The following SH2D4A variants were observed in gnomAD, a reference collection of about 807,000 sequenced individuals.
SH2D4A encodes SH2 domain-containing protein 4A.
A neutral mutation model predicts 64.7 loss-of-function variants in SH2D4A; 70 were observed. The ratio of observed to expected loss-of-function variants is 1.08; its 90% CI spans 0.89 to 1.32. SH2D4A has a LOEUF of 1.32. SH2D4A is among the 40% of genes most tolerant of loss of function. The probability of loss-of-function intolerance (pLI) is 0.00; values close to 1 mark genes in which losing one functional copy is unlikely to be tolerated. For synonymous variants in SH2D4A, 268 were observed against 200.7 expected (o/e 1.34, Z -2.83); for missense variants, 706 against 540.1 (o/e 1.31, Z -3.04).
intron 1 of SH2D4A, among the ~76,000 whole-genome samples, chr8:19,315,431 G>A (rs1585137554): frequency 6.6e-6 from 1 of 152,120 alleles, no homozygotes; most frequent in South Asian, 2.1e-4. Flanking sequence ...CACTGTGCCC[G>A]CCTACTATTT....
In SH2D4A at chr8:19,359,005, G is replaced by A. The variant is rs898478648; in HGVS notation, c.594+1722G>A. Reference sequence around the variant, plus strand: ...CCCCATGCCTGGCTGACAGTCCTGAGTCCTGGTCCAACATGCTTCCAGCAA... The same window carrying A: ...CCCCATGCCTGGCTGACAGTCCTGAATCCTGGTCCAACATGCTTCCAGCAA... On this transcript the variant is annotated intron_variant, in intron 5 of 9. Coordinates refer to ENST00000265807, the MANE Select transcript of SH2D4A (RefSeq NM_022071.4). 4.6e-5 allele frequency among the ~76,000 whole-genome samples: 7 copies of A among 152,324 alleles called. No homozygotes were observed. In the East Asian group the frequency reaches 9.6e-4, roughly 21 times the overall value.
At chr8:19,365,194 A>G (rs560519212) in intron 7 of SH2D4A, among the ~76,000 whole-genome samples, 2 of 152,232 alleles carry the variant, frequency 1.3e-5, no homozygotes, top group Admixed American at 6.5e-5. Context: ...GTCTTTAAAC[A>G]GGAGTGATGA....
At chr8:19,383,500 T>C (rs536160813) in intron 8 of SH2D4A, among the ~76,000 whole-genome samples, 3 of 152,274 alleles carry the variant, frequency 2.0e-5, no homozygotes, top group Non-Finnish European at 4.4e-5. Flanking sequence ...AGTTTCTGAT[T>C]TGTTTTCCTT....
At chr8:19,376,843 A>T (rs1585200594) in intron 8 of SH2D4A, among the ~76,000 whole-genome samples, 1 of 152,282 alleles carries the variant, frequency 6.6e-6, no homozygotes, top group East Asian at 1.9e-4. Context: ...GCTAGATTTA[A>T]GTTCTCAGAA....
In SH2D4A at chr8:19,373,658, A is replaced by G. The variant is rs375517991; in HGVS notation, c.1046A>G (p.His349Arg). 23 of 1,612,936 alleles carry G rather than the reference A, an allele frequency of 1.4e-5. No homozygotes were observed. In the African/African-American group the frequency reaches 2.5e-4, roughly 18 times the overall value. Reference sequence around the variant, plus strand: ...TCAGACACCATAGCCCCCTGGTTCCATGGTGAGTGCAGAGATTTCCTCAAT... The same window carrying G: ...TCAGACACCATAGCCCCCTGGTTCCGTGGTGAGTGCAGAGATTTCCTCAAT... Reference protein sequence around the residue: ...KTSDTIAPWFHGILTLKKANE... With the variant: ...KTSDTIAPWFRGILTLKKANE... The change falls in exon 8 of 10, where the codon CAT becomes CGT. Residue 349 changes from histidine (H) to arginine (R), a missense_variant and splice_region_variant. By Grantham distance (29) the His-to-Arg change is conservative. Transcript: ENST00000265807.
rs1258612060 is a variant in SH2D4A, at chr8:19,395,208, T to G, written c.*566T>G. 6.6e-6 allele frequency: 1 copy of G among 152,236 alleles called. No individual in the cohort carries two copies. The highest frequency in any genetic ancestry group is 1.5e-5 in the Non-Finnish European group (1 of 68,054). The allele number at this position is 152,236 out of a possible 1,614,324, so 9.4% of individuals were successfully genotyped here. A position where few individuals can be genotyped will look rare whatever the true frequency, so the allele number is the denominator to read the frequency against. ...AATTGAATGAGAGGCTTAACATGCA[T>G]GAAAATACAGATGGACCTGCAGGAA... On this transcript the variant is annotated 3_prime_UTR_variant, in exon 10 of 10. Transcript: ENST00000265807.
chr8:19,388,360 T>C lies in SH2D4A; in HGVS notation c.1049-4958T>C, dbSNP rs544717215. ...AACTCTAAAATGCAGTGGAAGCACA[T>C]TGAACAGTGTGGTATGCCAGGGCAA... is the stretch of plus-strand genomic sequence containing the variant. On this transcript the variant is annotated intron_variant, in intron 8 of 9. Coordinates refer to ENST00000265807, the MANE Select transcript of SH2D4A (RefSeq NM_022071.4). Among the ~76,000 whole-genome samples, 14 of 152,338 alleles carry C rather than the reference T, an allele frequency of 9.2e-5. No individual in the cohort carries two copies. The South Asian group carries it at 2.9e-3, about 32-fold the overall frequency.
intron 7 of SH2D4A, among the ~76,000 whole-genome samples, chr8:19,370,887 A>C (rs937982870): frequency 3.9e-5 from 6 of 151,996 alleles, no homozygotes; most frequent in African/African-American, 1.4e-4. Flanking sequence ...TGTATCTGTT[A>C]TAGATTTTTG....
At chr8:19,355,770 T>G (rs1437615487) in intron 4 of SH2D4A, among the ~76,000 whole-genome samples, 7 of 152,218 alleles carry the variant, frequency 4.6e-5, no homozygotes, top group Non-Finnish European at 1.0e-4. Context: ...GTCTTCAGTA[T>G]GCATTAGTGC....
At chr8:19,384,148 C>T (rs1301858341) in intron 8 of SH2D4A, among the ~76,000 whole-genome samples, 1 of 152,112 alleles carries the variant, frequency 6.6e-6, no homozygotes, top group South Asian at 2.1e-4. Context: ...GTTATTTCTA[C>T]AAGTGTTTAT....
At chr8:19,340,595 T>G (rs1463908032) in intron 4 of SH2D4A, among the ~76,000 whole-genome samples, 1 of 139,544 alleles carries the variant, frequency 7.2e-6, no homozygotes, top group African/African-American at 2.9e-5. Context: ...TTTTCTTTCT[T>G]TCTTTCTTTT....
chr8:19,357,828 A>G (rs1253937814), intron 5 of SH2D4A, among the ~76,000 whole-genome samples: 1 of 152,150 alleles, frequency 6.6e-6, no homozygotes, highest in East Asian at 1.9e-4. Context: ...ATTGCTCAAA[A>G]TAAATGAGGC....
At chr8:19,330,829 T>C (rs534983772) in intron 2 of SH2D4A, among the ~76,000 whole-genome samples, 2 of 146,542 alleles carry the variant, frequency 1.4e-5, no homozygotes, top group African/African-American at 5.5e-5. Flanking sequence ...ATAAAAAAAA[T>C]ATTATTAGTT....
At chr8:19,345,527 C>G (rs781256275) in intron 4 of SH2D4A, among the ~76,000 whole-genome samples, 1 of 152,192 alleles carries the variant, frequency 6.6e-6, no homozygotes, top group Non-Finnish European at 1.5e-5. Flanking sequence ...AAAGTCAACT[C>G]AATTTTATTT....
At chr8:19,387,628 C>G (rs1474545888) in intron 8 of SH2D4A, among the ~76,000 whole-genome samples, 1 of 152,234 alleles carries the variant, frequency 6.6e-6, no homozygotes, top group Non-Finnish European at 1.5e-5. Flanking sequence ...TGCCTGACTT[C>G]TTTATGCCAA....
At chr8:19,318,143 AT>A (rs1301302452) in intron 1 of SH2D4A, among the ~76,000 whole-genome samples, 1 of 152,074 alleles carries the variant, frequency 6.6e-6, no homozygotes. Flanking sequence ...TGACCTCGTG[AT>A]CCCCCCTCTT....
At chr8:19,338,387 A>G (rs886206560) in intron 4 of SH2D4A, among the ~76,000 whole-genome samples, 2 of 152,232 alleles carry the variant, frequency 1.3e-5, no homozygotes, top group Non-Finnish European at 2.9e-5. Context: ...TCTCAGACCC[A>G]CGAACACGTT....
At chr8:19,392,458 G>A (rs892645159) in intron 8 of SH2D4A, among the ~76,000 whole-genome samples, 12 of 151,970 alleles carry the variant, frequency 7.9e-5, no homozygotes, top group African/African-American at 2.9e-4. Flanking sequence ...CAACATCCCT[G>A]ACCTCTAACC....
intron 1 of SH2D4A, among the ~76,000 whole-genome samples, chr8:19,317,926 G>T (rs1163586519): frequency 6.6e-6 from 1 of 151,638 alleles, no homozygotes; most frequent in Non-Finnish European, 1.5e-5. Context: ...TTTTGAGACA[G>T]AGTCTCCCTC....
Sources: allele counts gnomAD v4.1 joint callset (sites outside exome capture counted in the v4.1 genomes callset), GRCh38; gene constraint gnomAD v4.1.1; transcripts MANE v1.5; gene names NCBI Gene and HGNC (gene_info 2026-07-23, HGNC 2026-07-21).